The following GPC6 variants were observed in gnomAD, a reference collection of about 807,000 sequenced individuals.
GPC6 encodes the protein glypican-6.
GPC6 carries 14 observed loss-of-function variants against 55.2 expected under a neutral mutation model. The observed-to-expected ratio is 0.25, with a 90% confidence interval of 0.17 to 0.40. The LOEUF (loss-of-function observed/expected upper bound fraction) is 0.40, where lower values mean the gene tolerates loss of function less well. Among genes scored for constraint, GPC6 ranks in the 10% least tolerant of loss-of-function variants. GPC6 has a pLI of 1.00. For missense variants in GPC6, 641 were observed against 708.5 expected (o/e 0.90, Z 1.08); for synonymous variants, 278 against 259.6 (o/e 1.07, Z -0.68).
At chr13:94,292,581 T>C (rs1344558950) in intron 5 of GPC6, among the ~76,000 whole-genome samples, 1 of 152,190 alleles carries the variant, frequency 6.6e-6, no homozygotes, top group Non-Finnish European at 1.5e-5. Flanking sequence ...CTTCTTTCTC[T>C]CTTATGTATC....
chr13:93,743,810 A>T (rs542977132), intron 2 of GPC6, among the ~76,000 whole-genome samples: 1 of 152,164 alleles, frequency 6.6e-6, no homozygotes, highest in Non-Finnish European at 1.5e-5. Context: ...ACCAATATTT[A>T]ATATCCCTTG....
At chr13:93,454,322 A>G (rs1878349581) in intron 1 of GPC6, among the ~76,000 whole-genome samples, 1 of 147,964 alleles carries the variant, frequency 6.8e-6, no homozygotes, top group South Asian at 2.2e-4. Context: ...CTAGACATAA[A>G]TGTTCTCCAA....
chr13:94,065,114 T>C lies in GPC6; in HGVS notation c.877+37220T>C, dbSNP rs1043085440. 2.0e-5 allele frequency among the ~76,000 whole-genome samples: 3 copies of C among 152,282 alleles called. No homozygotes were observed. In the East Asian group the frequency reaches 5.8e-4, roughly 30 times the overall value. ...TTATACCCATTTTTTTTTTGTGATG[T>C]GTCACCTCAGTAGTAAATCCTCACA... On this transcript the variant is annotated intron_variant, in intron 4 of 8. Coordinates refer to ENST00000377047, the MANE Select transcript of GPC6 (RefSeq NM_005708.5).
At chr13:94,018,609 G>A (rs554747597) in intron 3 of GPC6, among the ~76,000 whole-genome samples, 1 of 152,106 alleles carries the variant, frequency 6.6e-6, no homozygotes, top group South Asian at 2.1e-4. Flanking sequence ...CTTTTAATAT[G>A]CTCTTGGATT....
intron 4 of GPC6, among the ~76,000 whole-genome samples, chr13:94,282,673 T>C (rs535887737): frequency 6.6e-6 from 1 of 152,324 alleles, no homozygotes; most frequent in South Asian, 2.1e-4. Context: ...GCTTTGCTTA[T>C]ATGTCTGGCA....
chr13:93,807,447 A>G (rs1356059732), intron 2 of GPC6, among the ~76,000 whole-genome samples: 1 of 152,212 alleles, frequency 6.6e-6, no homozygotes, highest in African/African-American at 2.4e-5. Context: ...TGTTGAAAGT[A>G]CCACATACAG....
At chr13:93,652,819 A>C (rs1479490299) in intron 2 of GPC6, among the ~76,000 whole-genome samples, 1 of 152,212 alleles carries the variant, frequency 6.6e-6, no homozygotes, top group Non-Finnish European at 1.5e-5. Context: ...TGAGACTTTG[A>C]ATGTTACATT....
At chr13:93,372,999 C>T (rs1250033878) in intron 1 of GPC6, among the ~76,000 whole-genome samples, 1 of 152,164 alleles carries the variant, frequency 6.6e-6, no homozygotes, top group Non-Finnish European at 1.5e-5. Flanking sequence ...TCCTTCAGCA[C>T]TGTCATGGAG....
intron 6 of GPC6, among the ~76,000 whole-genome samples, chr13:94,353,779 A>T (rs960514272): frequency 1.3e-5 from 2 of 152,198 alleles, no homozygotes; most frequent in African/African-American, 4.8e-5. Flanking sequence ...AGTATTTATT[A>T]AATTACGGAA....
At chr13:93,791,165 A>G (rs577914652) in intron 2 of GPC6, among the ~76,000 whole-genome samples, 2 of 152,268 alleles carry the variant, frequency 1.3e-5, no homozygotes, top group African/African-American at 4.8e-5. Context: ...TGTGCTCTAC[A>G]GTGTCATTGG....
intron 2 of GPC6, among the ~76,000 whole-genome samples, chr13:93,781,882 A>G (rs1413205376): frequency 6.6e-6 from 1 of 152,196 alleles, no homozygotes; most frequent in African/African-American, 2.4e-5. Context: ...ATATATGTAT[A>G]CATTGGAGGT....
At chr13:93,311,974 G>A (rs897089880) in intron 1 of GPC6, among the ~76,000 whole-genome samples, 2 of 152,108 alleles carry the variant, frequency 1.3e-5, no homozygotes, top group Non-Finnish European at 2.9e-5. Context: ...AAGAGAAAAT[G>A]CACACCTTAA....
At chr13:93,561,404 GATATATATATAT>G (rs66957373) in intron 2 of GPC6, among the ~76,000 whole-genome samples, 2 of 104,666 alleles carry the variant, frequency 1.9e-5, no homozygotes, top group African/African-American at 4.2e-5. Flanking sequence ...TATCCCTATC[GATATATATATAT>G]ATATATATAT....
chr13:93,253,923 T>C (rs899011713), intron 1 of GPC6, among the ~76,000 whole-genome samples: 7 of 152,204 alleles, frequency 4.6e-5, no homozygotes, highest in Admixed American at 2.0e-4. Flanking sequence ...AATAATCACA[T>C]TTATCACATA....
intron 1 of GPC6, among the ~76,000 whole-genome samples, chr13:93,277,780 A>G (rs778063041): frequency 2.0e-5 from 3 of 152,172 alleles, no homozygotes; most frequent in Non-Finnish European, 4.4e-5. Context: ...CAGGAATCAC[A>G]TTTCTTTAGA....
rs79936101 is a variant in GPC6 at position 93,789,263 on chromosome 13, C to A, written c.320-40891C>A. On this transcript the variant is annotated intron_variant, in intron 2 of 8. Coordinates refer to ENST00000377047, the MANE Select transcript of GPC6 (RefSeq NM_005708.5). ...ATACAGGTTAGAAAATGAGTCAGAG[C>A]AGAAGATATTAGTGTTCTACACTGT... 3.8e-3 allele frequency among the ~76,000 whole-genome samples: 576 copies of A among 151,868 alleles called. 6 individuals carry two copies. Among genetic ancestry groups the A allele is most frequent in the African/African-American group, 0.013 (533 of 41,418 alleles).
intron 1 of GPC6, among the ~76,000 whole-genome samples, chr13:93,251,372 TA>T (rs1020899962): frequency 6.6e-6 from 1 of 152,158 alleles, no homozygotes; most frequent in Admixed American, 6.5e-5. Context: ...TGGAAACCTA[TA>T]AGGAAATAAA....
At chr13:94,152,237 G>A (rs1380447083) in intron 4 of GPC6, among the ~76,000 whole-genome samples, 1 of 152,174 alleles carries the variant, frequency 6.6e-6, no homozygotes, top group Non-Finnish European at 1.5e-5. Context: ...TCTTTACCCA[G>A]GGATGGATTT....
chr13:93,762,636 G>A (rs1056641954), intron 2 of GPC6, among the ~76,000 whole-genome samples: 1 of 152,150 alleles, frequency 6.6e-6, no homozygotes, highest in Non-Finnish European at 1.5e-5. Flanking sequence ...GGTTATGCTT[G>A]ACTTGGCTGT....
Sources: allele counts gnomAD v4.1 joint callset (sites outside exome capture counted in the v4.1 genomes callset), GRCh38; gene constraint gnomAD v4.1.1; transcripts MANE v1.5; gene names NCBI Gene and HGNC (gene_info 2026-07-23, HGNC 2026-07-21).